Variants in STARD8 observed in about 807,000 individuals in gnomAD.
STARD8 encodes the protein stAR-related lipid transfer protein 8.
In STARD8, 25 loss-of-function variants were observed where a neutral mutation model predicts 69.4. That is an observed-to-expected ratio of 0.36 (90% confidence interval 0.26 to 0.50). The LOEUF is 0.50. Ranked by LOEUF, STARD8 falls within the 20% of genes least tolerant of loss-of-function variation. The pLI is 0.96. For synonymous variants in STARD8, 389 were observed against 374.6 expected, an observed-to-expected ratio of 1.04 and a Z score of -0.45; for missense variants, 921 against 932.5, an observed-to-expected ratio of 0.99 and a Z score of 0.16.
At chrX:68,649,584 G>T (rs921703256) in intron 1 of STARD8, among the ~76,000 whole-genome samples, 3 of 111,252 alleles carry the variant, frequency 2.7e-5, no homozygotes, top group Non-Finnish European at 3.8e-5. Flanking sequence ...TGTCCTTCCT[G>T]TGGGGGTGGG....
chrX:68,715,697 C>G (rs903695078), intron 4 of STARD8, among the ~76,000 whole-genome samples: 2 of 111,714 alleles, frequency 1.8e-5, no homozygotes, highest in African/African-American at 6.5e-5. Flanking sequence ...CTCCTTGGAT[C>G]GATCACAAGG....
Position 68,722,437 on chromosome X carries a change from G to T in STARD8, c.2590G>T (p.Val864Leu). Residue 864 changes from valine (V) to leucine (L), a missense_variant, in exon 12 of 15, where the codon GTG becomes TTG. Physicochemically the swap from Val to Leu is conservative, Grantham distance 32. Coordinates refer to ENST00000374599, the MANE Select transcript of STARD8 (RefSeq NM_001142503.3). ...KKLFQVPQDM[V>L]LQLCSSYSAA... Reference sequence around the variant, plus strand: ...GCCCTCTCAGGTGCCCCAGGACATGGTGCTGCAGCTGTGCAGCTCCTACAG... The same window carrying T: ...GCCCTCTCAGGTGCCCCAGGACATGTTGCTGCAGCTGTGCAGCTCCTACAG... 1.7e-6 allele frequency: 2 copies of T among 1,202,098 alleles called. No individual in the cohort carries two copies. Among genetic ancestry groups the T allele is most frequent in the Non-Finnish European group, 2.2e-6 (2 of 891,244 alleles).
intron 2 of STARD8, among the ~76,000 whole-genome samples, chrX:68,707,275 TCACAAA>T (rs1054548596): frequency 8.9e-6 from 1 of 112,144 alleles, no homozygotes; most frequent in Non-Finnish European, 1.9e-5. Flanking sequence ...TCAATGACCT[TCACAAA>T]CACCGACTGC....
intron 2 of STARD8, among the ~76,000 whole-genome samples, chrX:68,665,998 G>A (rs1437090118): frequency 8.9e-6 from 1 of 111,836 alleles, no homozygotes; most frequent in Non-Finnish European, 1.9e-5. Flanking sequence ...ACAGGAGGTA[G>A]GCTTTGGAGT....
chrX:68,673,664 T>C (rs375633646), intron 2 of STARD8, among the ~76,000 whole-genome samples: 4 of 112,339 alleles, frequency 3.6e-5, no homozygotes, highest in Non-Finnish European at 7.5e-5. Flanking sequence ...GTGTGGATCA[T>C]TTTGGGGTGC....
At chrX:68,711,272 GAGAGAGAC>G (rs1436711153) in intron 2 of STARD8, among the ~76,000 whole-genome samples, 9 of 110,991 alleles carry the variant, frequency 8.1e-5, no homozygotes, top group East Asian at 2.8e-4. Flanking sequence ...ACGAGAGAGA[GAGAGAGAC>G]AGAGAGACAG....
Position 68,693,619 on chromosome X carries a change from C to T in STARD8, c.80-19295C>T, listed in dbSNP as rs2079893955. 4 of 753,006 alleles carry T rather than the reference C, an allele frequency of 5.3e-6. No homozygotes were observed. In the Admixed American group the frequency reaches 3.4e-4, roughly 65 times the overall value. 62.1% of individuals were successfully genotyped at this position (753,006 alleles called of 1,213,427 possible). ...CGGGGCGTCCCTACAGCCCTACTCG[C>T]CGACGCTCCCTCCCCACTTGAGCTG... On this transcript the variant is annotated intron_variant, in intron 2 of 14. Coordinates refer to ENST00000374599, the MANE Select transcript of STARD8 (RefSeq NM_001142503.3).
At chrX:68,656,742 G>A (rs955301332) in intron 1 of STARD8, among the ~76,000 whole-genome samples, 1 of 111,162 alleles carries the variant, frequency 9.0e-6, no homozygotes, top group African/African-American at 3.3e-5. Context: ...ATCATTCTCA[G>A]CAAACTATCT....
intron 2 of STARD8, among the ~76,000 whole-genome samples, chrX:68,711,149 G>T (rs2080046496): frequency 9.0e-6 from 1 of 111,199 alleles, no homozygotes. Context: ...GGACCCCTCA[G>T]AGGTCCTGGC....
intron 1 of STARD8, among the ~76,000 whole-genome samples, chrX:68,662,293 G>A (rs773425696): frequency 7.6e-4 from 84 of 110,795 alleles, no homozygotes; most frequent in Non-Finnish European, 1.1e-3. Flanking sequence ...CCACTGTGCC[G>A]GGCCTCTGGT....
At chrX:68,652,956 ACACACACACCACACAC>A in intron 1 of STARD8, among the ~76,000 whole-genome samples, 1 of 49,590 alleles carries the variant, frequency 2.0e-5, no homozygotes, top group Non-Finnish European at 3.8e-5. Context: ...ACCACACCAC[ACACACACACCACACAC>A]CACACACCAC....
chrX:68,660,687 A>T (rs773943052), intron 1 of STARD8, among the ~76,000 whole-genome samples: 2 of 112,489 alleles, frequency 1.8e-5, no homozygotes, highest in East Asian at 5.6e-4. Flanking sequence ...AACAGCCCCT[A>T]TTCTAGGCCT....
In STARD8 at chrX:68,720,253, C is replaced by A; in HGVS notation, c.1890-11C>A. 1 of 1,185,379 alleles carries A rather than the reference C, an allele frequency of 8.4e-7. No individual in the cohort carries two copies. Among genetic ancestry groups the A allele is most frequent in the Non-Finnish European group, 1.1e-6 (1 of 881,123 alleles). ...TCCCCCTATCTGATCACTTGTCATT[C>A]TCCCAAACAGGTCAATGCCCAAGTT... On this transcript the variant is annotated splice_polypyrimidine_tract_variant and intron_variant, in intron 7 of 14. Coordinates refer to ENST00000374599, the MANE Select transcript of STARD8 (RefSeq NM_001142503.3).
At chrX:68,712,272 G>T (rs2080057146) in intron 2 of STARD8, among the ~76,000 whole-genome samples, 2 of 112,191 alleles carry the variant, frequency 1.8e-5, no homozygotes, top group Admixed American at 9.4e-5. Flanking sequence ...TAATGAGCAT[G>T]GGGGTGCTGC....
At chrX:68,720,845 C>G (rs2080141283) in intron 8 of STARD8, 79 bp from the exon 9 acceptor site, 1 of 1,006,074 alleles carries the variant, frequency 9.9e-7, no homozygotes, top group African/African-American at 1.9e-5. Context: ...CTCCTGACAC[C>G]CAGTCTAGGG....
intron 9 of STARD8, 101 bp from the exon 10 acceptor site, chrX:68,721,435 C>T (rs1240737737): frequency 6.5e-6 from 6 of 918,911 alleles, no homozygotes; most frequent in Admixed American, 5.6e-5. Flanking sequence ...TCACCGCTCC[C>T]CTTGGGACTG....
intron 2 of STARD8, among the ~76,000 whole-genome samples, chrX:68,666,918 C>T (rs1287969102): frequency 4.5e-5 from 5 of 111,815 alleles, no homozygotes; most frequent in Non-Finnish European, 9.4e-5. Flanking sequence ...AAAGAAACCC[C>T]TCAGGCCCTG....
At chrX:68,648,785 C>G (rs1602528917) in intron 1 of STARD8, among the ~76,000 whole-genome samples, 1 of 111,983 alleles carries the variant, frequency 8.9e-6, no homozygotes, top group African/African-American at 3.2e-5. Context: ...GCCGAACCCA[C>G]AAGTGTGTGT....
At chrX:68,723,058 C>T (rs1400372682) in intron 12 of STARD8, among the ~76,000 whole-genome samples, 1 of 112,625 alleles carries the variant, frequency 8.9e-6, no homozygotes, top group Non-Finnish European at 1.9e-5. Flanking sequence ...GTTCCTCCTC[C>T]ATTCAGAACC....
Sources: gnomAD v4.1 joint callset for allele counts (sites outside exome capture counted in the v4.1 genomes callset) on GRCh38, gnomAD v4.1.1 for gene constraint, MANE v1.5 for transcripts, NCBI Gene and HGNC (gene_info 2026-07-23, HGNC 2026-07-21) for gene names.